ANKRD17: variants seen among roughly 807,000 people sequenced by gnomAD.
ANKRD17 encodes the protein ankyrin repeat domain 17.
ANKRD17 carries 19 observed loss-of-function variants against 229.7 expected under a neutral mutation model. The ratio of observed to expected loss-of-function variants is 0.08; its 90% CI spans 0.06 to 0.12. The LOEUF (loss-of-function observed/expected upper bound fraction) is 0.12. Among genes scored for constraint, ANKRD17 ranks in the 10% least tolerant of loss-of-function variants. The probability of loss-of-function intolerance (pLI) is 1.00; values close to 1 mark genes in which losing one functional copy is unlikely to be tolerated. For missense variants in ANKRD17, 2,176 were observed against 3,176.8 expected, an observed-to-expected ratio of 0.68 and a Z score of 7.57; for synonymous variants, 1,112 against 1,146.1, an observed-to-expected ratio of 0.97 and a Z score of 0.60.
At chr4:73,078,572 G>T in intron 31 of ANKRD17, 70 bp downstream of exon 31, 1 of 1,495,916 alleles carries the variant, frequency 6.7e-7, no homozygotes, top group Non-Finnish European at 9.0e-7. Context: ...GACTATTAAA[G>T]TTAAATACTG....
intron 1 of ANKRD17, among the ~76,000 whole-genome samples, chr4:73,255,260 G>A (rs776668708): frequency 1.4e-4 from 22 of 152,002 alleles, no homozygotes; most frequent in Non-Finnish European, 2.4e-4. Context: ...ATTGATTCTC[G>A]TTTCCTTCCA....
intron 1 of ANKRD17, among the ~76,000 whole-genome samples, chr4:73,217,643 C>T (rs1054678470): frequency 6.6e-6 from 1 of 151,880 alleles, no homozygotes; most frequent in Non-Finnish European, 1.5e-5. Flanking sequence ...ATTACAGGCA[C>T]GAGCCACTCA....
At chr4:73,238,850 T>C (rs888513723) in intron 1 of ANKRD17, among the ~76,000 whole-genome samples, 3 of 152,164 alleles carry the variant, frequency 2.0e-5, no homozygotes, top group Non-Finnish European at 4.4e-5. Flanking sequence ...CATGTTTATA[T>C]TCCATTTCCA....
At chr4:73,246,577 G>A (rs1207719265) in intron 1 of ANKRD17, among the ~76,000 whole-genome samples, 1 of 152,188 alleles carries the variant, frequency 6.6e-6, no homozygotes, top group Non-Finnish European at 1.5e-5. Context: ...TTAGGTTGGA[G>A]CTGTAAACCT....
intron 1 of ANKRD17, among the ~76,000 whole-genome samples, chr4:73,189,749 T>G (rs1736796896): frequency 6.6e-6 from 1 of 152,162 alleles, no homozygotes; most frequent in Admixed American, 6.5e-5. Flanking sequence ...CTTTATTTCC[T>G]CCATAATACT....
intron 1 of ANKRD17, among the ~76,000 whole-genome samples, chr4:73,234,664 C>A (rs547254409): frequency 6.6e-6 from 1 of 152,310 alleles, no homozygotes; most frequent in South Asian, 2.1e-4. Context: ...TGGGAACAGA[C>A]AAAACTGTTT....
chr4:73,170,972 C>A (rs1203434514), intron 2 of ANKRD17, among the ~76,000 whole-genome samples: 2 of 152,116 alleles, frequency 1.3e-5, no homozygotes, highest in Non-Finnish European at 2.9e-5. Flanking sequence ...GGGAAAAAAA[C>A]AAGTCTGGCT....
In ANKRD17 at chr4:73,208,002, C is replaced by T. The variant is rs551784705; in HGVS notation, c.394-30469G>A. ...AGGAGATCGAGACCATCCTGGCTAA[C>T]ACGGTGAAACCCCGTTTCCACTAAA... On this transcript the variant is annotated intron_variant, in intron 1 of 33. Transcript: ENST00000358602. Among the ~76,000 whole-genome samples the T allele has an allele frequency of 5.5e-4, 84 of 152,114 alleles. No individual in the cohort carries two copies. In the Middle Eastern group the frequency reaches 0.01, roughly 19 times the overall value.
intron 24 of ANKRD17, among the ~76,000 whole-genome samples, chr4:73,109,036 C>T (rs780326968): frequency 3.9e-5 from 6 of 152,188 alleles, no homozygotes; most frequent in South Asian, 2.1e-4. Context: ...TGATGGCTCA[C>T]GCCTGTTATT....
chr4:73,225,973 C>CTTTTTTTTT (rs754977999), intron 1 of ANKRD17, among the ~76,000 whole-genome samples: 1 of 92,564 alleles, frequency 1.1e-5, no homozygotes, highest in Non-Finnish European at 2.0e-5. Flanking sequence ...GGCTCTTAAG[C>CTTTTTTTTT]TTTTTTTTTT....
At chr4:73,196,075 G>C (rs890961759) in intron 1 of ANKRD17, among the ~76,000 whole-genome samples, 9 of 145,562 alleles carry the variant, frequency 6.2e-5, no homozygotes, top group African/African-American at 2.3e-4. Flanking sequence ...GGCAATCTCA[G>C]CTCACTACAG....
intron 25 of ANKRD17, 78 bp downstream of exon 25, chr4:73,102,298 C>T: frequency 7.0e-7 from 1 of 1,432,856 alleles, no homozygotes; most frequent in Non-Finnish European, 9.4e-7. Flanking sequence ...AGCATATTTT[C>T]AAGAGTGACT....
Position 73,216,250 on chromosome 4 carries a change from A to AT in ANKRD17, c.394-38718dup, listed in dbSNP as rs543456674. 4.2e-3 allele frequency among the ~76,000 whole-genome samples: 636 copies of AT among 152,216 alleles called. 4 individuals carry two copies. Among genetic ancestry groups the AT allele is most frequent in the African/African-American group, 0.015 (613 of 41,524 alleles). Reference sequence around the variant, plus strand: ...GCATGTTAACATGCAATGGTTTATCATTTTTTTAAATGAATAAATATGTAA... The same window carrying AT: ...GCATGTTAACATGCAATGGTTTATCATTTTTTTTAAATGAATAAATATGTAA... On this transcript the variant is annotated intron_variant, in intron 1 of 33. Transcript: ENST00000358602.
chr4:73,114,998 G>A (rs1725767455), intron 23 of ANKRD17, among the ~76,000 whole-genome samples: 1 of 152,100 alleles, frequency 6.6e-6, no homozygotes, highest in Non-Finnish European at 1.5e-5. Context: ...AAAATTTCCT[G>A]CAAAATTTGC....
chr4:73,242,079 A>G (rs1349988628), intron 1 of ANKRD17, among the ~76,000 whole-genome samples: 1 of 152,218 alleles, frequency 6.6e-6, no homozygotes, highest in Non-Finnish European at 1.5e-5. Flanking sequence ...AATAAGAGAA[A>G]GACAAGTATA....
intron 24 of ANKRD17, 58 bp downstream of exon 24, chr4:73,113,731 AAAG>A (rs1000582442): frequency 1.6e-6 from 2 of 1,226,464 alleles, no homozygotes; most frequent in African/African-American, 1.5e-5. Context: ...TTACAAATCA[AAAG>A]AAGAGAAAAC....
chr4:73,202,220 T>A (rs376691841), intron 1 of ANKRD17, among the ~76,000 whole-genome samples: 4 of 143,694 alleles, frequency 2.8e-5, no homozygotes, highest in Middle Eastern at 3.7e-3. Context: ...CATAAAAGAG[T>A]ATGACCCACT....
Position 73,077,388 on chromosome 4 carries a change from A to G in ANKRD17, c.7554T>C (p.Val2518=), listed in dbSNP as rs759001400. The G allele has an allele frequency of 6.2e-7, 1 of 1,613,248 alleles. No homozygotes were observed. Among genetic ancestry groups the G allele is most frequent in the Non-Finnish European group, 8.5e-7 (1 of 1,179,700 alleles). ...TAGGAAAGTCCATGTAGCCTGCAGG[A>G]ACATGCTGATGGAATGTACCAGAAG... ...VTPSGTFHQH[V]PAGYMDFPKV... Residue 2518 remains valine (V), a synonymous_variant, in exon 32 of 34, where the codon GTT becomes GTC. Transcript: ENST00000358602.
At chr4:73,165,128 G>A (rs1444373487) in intron 2 of ANKRD17, among the ~76,000 whole-genome samples, 5 of 151,988 alleles carry the variant, frequency 3.3e-5, no homozygotes, top group Non-Finnish European at 2.9e-5. Context: ...GTAAACCAGA[G>A]AACTAACTAA....
Sources: gnomAD v4.1 joint callset for allele counts (sites outside exome capture counted in the v4.1 genomes callset) on GRCh38, gnomAD v4.1.1 for gene constraint, MANE v1.5 for transcripts, NCBI Gene and HGNC (gene_info 2026-07-23, HGNC 2026-07-21) for gene names.